COQ7: variants seen among roughly 807,000 people sequenced by gnomAD.
COQ7 encodes NADPH-dependent 3-demethoxyubiquinone 3-hydroxylase, mitochondrial.
In COQ7, 21 loss-of-function variants were observed where a neutral mutation model predicts 25.0. The ratio of observed to expected loss-of-function variants is 0.84; its 90% CI spans 0.60 to 1.21. The LOEUF (loss-of-function observed/expected upper bound fraction) is 1.21. Among genes scored for constraint, COQ7 ranks in the 50% most tolerant of loss-of-function variants. The pLI, the probability that COQ7 is intolerant of heterozygous loss-of-function variation, is 0.00. For missense variants in COQ7, 311 were observed against 296.2 expected, an observed-to-expected ratio of 1.05 and a Z score of -0.37; for synonymous variants, 125 against 112.4, an observed-to-expected ratio of 1.11 and a Z score of -0.71.
rs1465542417 is a variant in COQ7, at chr16:19,073,973, T to G, written c.305T>G (p.Val102Gly). Residue 102 changes from valine (V) to glycine (G), a missense_variant, in exon 3 of 6, where the codon GTT becomes GGT. By Grantham distance (109) the Val-to-Gly change is moderately radical (BLOSUM62 -3). Transcript: ENST00000321998. ...DHLKKFNELM[V>G]TFRVRPTVLM... ...TTGAAAAAGTTCAATGAGTTGATGG[T>G]TACGTTCAGGGTCCGGCCAACAGTT... The G allele has an allele frequency of 6.2e-7, 1 of 1,613,832 alleles. No homozygotes were observed. The highest frequency in any genetic ancestry group is 8.5e-7 in the Non-Finnish European group (1 of 1,179,950).
intron 1 of COQ7, chr16:19,068,317 C>G (rs1962349140): frequency 2.0e-6 from 2 of 989,762 alleles, no homozygotes; most frequent in Admixed American, 6.0e-5. Flanking sequence ...GGTTTTGGAC[C>G]CTGGTTCCTG....
chr16:19,082,486 G>GA (rs75633156), downstream of COQ7, among the ~76,000 whole-genome samples: 91 of 142,330 alleles, frequency 6.4e-4, no homozygotes, highest in African/African-American at 1.2e-3. Context: ...ACTTTGAGAA[G>GA]AAAAAAAAAA....
At chr16:19,076,585 CTTTTTTTT>C (rs67725348) in intron 4 of COQ7, among the ~76,000 whole-genome samples, 1 of 80,510 alleles carries the variant, frequency 1.2e-5, no homozygotes, top group African/African-American at 5.1e-5. Context: ...GTGCTGTTCA[CTTTTTTTT>C]TTTTTTTTTT....
Position 19,067,679 on chromosome 16 carries a change from G to C in COQ7, c.15G>C (p.Gly5=), listed in dbSNP as rs1962290510. The part of the protein sequence containing the change: MSCA[G]AAAAPRLWRL... Reference sequence around the variant, plus strand: ...TAGTTCCGGCAATGAGTTGCGCCGGGGCGGCGGCGGCTCCCCGCCTTTGGC... The same window carrying C: ...TAGTTCCGGCAATGAGTTGCGCCGGCGCGGCGGCGGCTCCCCGCCTTTGGC... The change falls in exon 1 of 6, where the codon GGG becomes GGC. Residue 5 remains glycine, a synonymous_variant. Transcript: ENST00000321998. 3 of 1,608,718 alleles carry C rather than the reference G, an allele frequency of 1.9e-6. No individual in the cohort carries two copies. Among genetic ancestry groups the C allele is most frequent in the East Asian group, 4.5e-5 (2 of 44,804 alleles).
chr16:19,072,489 T>A (rs2142373100), intron 2 of COQ7: 1 of 177,528 alleles, frequency 5.6e-6, no homozygotes, highest in South Asian at 1.3e-4. Flanking sequence ...CTGAAATTTG[T>A]AGTTACACAG....
At chr16:19,075,424 T>G (rs2142385612) in intron 3 of COQ7, among the ~76,000 whole-genome samples, 1 of 91,422 alleles carries the variant, frequency 1.1e-5, no homozygotes, top group East Asian at 3.7e-4. Flanking sequence ...GGTCTCGAAC[T>G]CCTGACCTCA....
chr16:19,074,046 C>T lies in COQ7; in HGVS notation c.367+11C>T. The T allele has an allele frequency of 6.3e-7, 1 of 1,597,240 alleles. No homozygotes were observed. On this transcript the variant is annotated intron_variant, in intron 3 of 5. Coordinates refer to ENST00000321998, the MANE Select transcript of COQ7 (RefSeq NM_016138.5). Reference sequence around the variant, plus strand: ...TGGGGTTTGCACTGGGTACGTGTCTCTCTAGAAGAGCTTATGCAAGCTTGG... The same window carrying T: ...TGGGGTTTGCACTGGGTACGTGTCTTTCTAGAAGAGCTTATGCAAGCTTGG...
chr16:19,077,353 C>T lies in COQ7; in HGVS notation c.555C>T (p.Gly185=). Reference sequence around the variant, plus strand: ...AAGAGCTTGAGCACCATGACATAGGCCTCGACCATGATGCAGAATTGGTAG... The same window carrying T: ...AAGAGCTTGAGCACCATGACATAGGTCTCGACCATGATGCAGAATTGGTAG... ...RDEELEHHDI[G]LDHDAELAPA... is the part of the protein sequence containing the mutation. Residue 185 remains glycine (G), a synonymous_variant, in exon 5 of 6, where the codon GGC becomes GGT. Transcript: ENST00000321998. The T allele has an allele frequency of 6.2e-7, 1 of 1,614,034 alleles. No homozygotes were observed. The highest frequency in any genetic ancestry group is 1.1e-5 in the South Asian group (1 of 91,066).
rs1284259476 is a variant in COQ7 at position 19,079,791 on chromosome 16, AG to A, written c.*1636del. ...TTGCCCCACCAGGGTCTGGCTTTGA[AG>A]GGTAGTGGACACCAGGATCCTTTGG... On this transcript the variant is annotated 3_prime_UTR_variant, in exon 6 of 6. Coordinates refer to ENST00000321998, the MANE Select transcript of COQ7 (RefSeq NM_016138.5). 6.6e-6 allele frequency: 1 copy of A among 152,216 alleles called. No homozygotes were observed. Among genetic ancestry groups the A allele is most frequent in the African/African-American group, 2.4e-5 (1 of 41,452 alleles). The allele number at this position is 152,216 out of a possible 1,614,324, so 9.4% of individuals were successfully genotyped here.
rs946359942 is a variant in COQ7, at chr16:19,079,009, C to T, written c.*851C>T. 6.6e-6 allele frequency: 1 copy of T among 152,112 alleles called. No homozygotes were observed. The highest frequency in any genetic ancestry group is 1.5e-5 in the Non-Finnish European group (1 of 68,026). 9.4% of individuals were successfully genotyped at this position (152,112 alleles called of 1,614,324 possible). A position where few individuals can be genotyped will look rare whatever the true frequency, so the allele number is the denominator to read the frequency against. ...TAGAATTCATACGATGAAATCTTCA[C>T]TCTCAAGTTGATAGAAGGTGGGGCC... On this transcript the variant is annotated 3_prime_UTR_variant, in exon 6 of 6. Coordinates refer to ENST00000321998, the MANE Select transcript of COQ7 (RefSeq NM_016138.5).
At chr16:19,073,521 A>G (rs908025829) in intron 2 of COQ7, among the ~76,000 whole-genome samples, 1 of 152,076 alleles carries the variant, frequency 6.6e-6, no homozygotes, top group Admixed American at 6.6e-5. Flanking sequence ...CAACAACAAG[A>G]TGATGCTATT....
chr16:19,077,296 A>T lies in COQ7; in HGVS notation c.508-10A>T, dbSNP rs778220245. On this transcript the variant is annotated splice_polypyrimidine_tract_variant and intron_variant, in intron 4 of 5. Coordinates refer to ENST00000321998, the MANE Select transcript of COQ7 (RefSeq NM_016138.5). ...GGCTAACTTGCTTTGGTGTCTTTTT[A>T]TTTAACCAGCTGATAAAGAAATTTC... The T allele has an allele frequency of 6.2e-7, 1 of 1,613,542 alleles. No homozygotes were observed. The highest frequency in any genetic ancestry group is 1.1e-5 in the South Asian group (1 of 91,076).
At chr16:19,080,508 G>C (rs563617353), downstream of COQ7, among the ~76,000 whole-genome samples, 30 of 151,996 alleles carry the variant, frequency 2.0e-4, no homozygotes, top group Non-Finnish European at 4.1e-4. Context: ...TGTTCAGTAG[G>C]CTTCCCCAAA....
chr16:19,067,831 G>A (rs1481549422), intron 1 of COQ7, 94 bp downstream of exon 1: 60 of 1,526,238 alleles, frequency 3.9e-5, no homozygotes, highest in Non-Finnish European at 4.9e-5. Context: ...CGGGGGAGAG[G>A]TTCGTAACGT....
intron 2 of COQ7, among the ~76,000 whole-genome samples, chr16:19,073,675 A>G (rs1228852472): frequency 6.6e-6 from 1 of 152,160 alleles, no homozygotes; most frequent in African/African-American, 2.4e-5. Flanking sequence ...TGCTGCAACC[A>G]TGGCTCATGG....
intron 1 of COQ7, chr16:19,068,892 A>T: frequency 3.2e-6 from 1 of 308,660 alleles, no homozygotes; most frequent in African/African-American, 4.7e-5. Context: ...AGTAATCATT[A>T]AAAAAAAACA....
intron 1 of COQ7, among the ~76,000 whole-genome samples, chr16:19,069,548 C>CTGCA (rs1180832429): frequency 6.6e-6 from 1 of 151,452 alleles, no homozygotes; most frequent in Non-Finnish European, 1.5e-5. Flanking sequence ...GTAGCTGAGG[C>CTGCA]TGCATGCATG....
chr16:19,076,282 A>G (rs1596832427), intron 4 of COQ7, among the ~76,000 whole-genome samples: 1 of 133,588 alleles, frequency 7.5e-6, no homozygotes, highest in Non-Finnish European at 1.6e-5. Context: ...TTTTTAAGAG[A>G]TGGGGTCTCA....
downstream of COQ7, among the ~76,000 whole-genome samples, chr16:19,081,116 C>T (rs1963090821): frequency 6.6e-6 from 1 of 152,102 alleles, no homozygotes; most frequent in Admixed American, 6.6e-5. Flanking sequence ...TTTTCAGAGT[C>T]AAGAAAACTT....
Sources: gnomAD v4.1 joint callset for allele counts (sites outside exome capture counted in the v4.1 genomes callset) on GRCh38, gnomAD v4.1.1 for gene constraint, MANE v1.5 for transcripts, NCBI Gene and HGNC (gene_info 2026-07-23, HGNC 2026-07-21) for gene names.